Variants in DAPK1 observed in about 807,000 individuals in gnomAD.
DAPK1 encodes the protein death-associated protein kinase 1.
DAPK1 carries 56 observed loss-of-function variants against 144.9 expected under a neutral mutation model. The observed-to-expected ratio is 0.39, with a 90% confidence interval of 0.31 to 0.48. DAPK1 has a LOEUF of 0.48. Among genes scored for constraint, DAPK1 ranks in the 20% least tolerant of loss-of-function variants. The pLI is 0.95. For missense variants in DAPK1, 1,454 were observed against 1,875.4 expected, an observed-to-expected ratio of 0.78 and a Z score of 4.15; for synonymous variants, 690 against 749.0, an observed-to-expected ratio of 0.92 and a Z score of 1.29.
At chr9:87,689,879 C>T (rs796426034) in intron 21 of DAPK1, among the ~76,000 whole-genome samples, 14 of 152,274 alleles carry the variant, frequency 9.2e-5, no homozygotes, top group African/African-American at 3.4e-4. Flanking sequence ...GTTTTTATAT[C>T]AATACCATGC....
chr9:87,683,813 T>C (rs1824732415), intron 20 of DAPK1, among the ~76,000 whole-genome samples: 1 of 152,218 alleles, frequency 6.6e-6, no homozygotes, highest in Non-Finnish European at 1.5e-5. Flanking sequence ...GAAGCCCCTC[T>C]GCATGAGAGC....
At chr9:87,647,503 G>C (rs1830311406) in intron 14 of DAPK1, 100 bp downstream of exon 14, 1 of 979,090 alleles carries the variant, frequency 1.0e-6, no homozygotes, top group Non-Finnish European at 1.6e-6. Flanking sequence ...CAAAGGAAAG[G>C]AATCAGGACC....
intron 3 of DAPK1, among the ~76,000 whole-genome samples, chr9:87,629,205 T>C (rs756695592): frequency 2.6e-5 from 4 of 151,382 alleles, no homozygotes; most frequent in Non-Finnish European, 4.4e-5. Flanking sequence ...AAAGGGGGAG[T>C]GTGGATGCAG....
In DAPK1 at chr9:87,498,973, T is replaced by C. The variant is rs539188842; in HGVS notation, c.-105T>C. The stretch of plus-strand genomic sequence containing the variant: ...GCCTTTTTTTTTTCTTCAAAAGGAC[T>C]GGAGACTGATGCATGAGGGGGCTAC... On this transcript the variant is annotated 5_prime_UTR_variant, in exon 2 of 26. Coordinates refer to ENST00000408954, the MANE Select transcript of DAPK1 (RefSeq NM_004938.4). 2.3e-6 allele frequency: 2 copies of C among 854,730 alleles called. No individual in the cohort carries two copies. Among genetic ancestry groups the C allele is most frequent in the African/African-American group, 1.7e-5 (1 of 59,902 alleles). The allele number at this position is 854,730 out of a possible 1,614,324, so 52.9% of individuals were successfully genotyped here. A position where few individuals can be genotyped will look rare whatever the true frequency, so the allele number is the denominator to read the frequency against.
rs754333730 is a variant in DAPK1, at chr9:87,706,611, G to T, written c.3540G>T (p.Gly1180=). Reference sequence around the variant, plus strand: ...ATGGCTGCAAGCTGGCCAACCGTGGGGCCGAGCTGCTGGTGCTGCTGGTCA... The same window carrying T: ...ATGGCTGCAAGCTGGCCAACCGTGGTGCCGAGCTGCTGGTGCTGCTGGTCA... ...WVNGCKLANR[G]AELLVLLVNH... Residue 1180 remains glycine (G), a synonymous_variant, in exon 26 of 26, where the codon GGG becomes GGT. Coordinates refer to ENST00000408954, the MANE Select transcript of DAPK1 (RefSeq NM_004938.4). The surrounding 1 kb of genome is among the most constrained non-coding windows in gnomAD (Gnocchi z 9.0). 1.9e-6 allele frequency: 3 copies of T among 1,613,398 alleles called. No homozygotes were observed. The South Asian group carries it at 3.3e-5, about 18-fold the overall frequency.
chr9:87,691,146 G>A (rs138012391), intron 21 of DAPK1, among the ~76,000 whole-genome samples: 2,820 of 151,866 alleles, frequency 0.019, 27 homozygotes, highest in Non-Finnish European at 0.027. Flanking sequence ...TTTTTGGGGA[G>A]GCTTTTTAAT....
chr9:87,696,947 T>A, intron 21 of DAPK1, 60 bp from the exon 22 acceptor site: 3 of 870,746 alleles, frequency 3.4e-6, no homozygotes, highest in Non-Finnish European at 4.0e-6. Flanking sequence ...CTAAGAGAAT[T>A]TATGATTGAA....
At chr9:87,698,825 C>G in intron 23 of DAPK1, 31 bp downstream of exon 23, 1 of 1,438,402 alleles carries the variant, frequency 7.0e-7, no homozygotes, top group Non-Finnish European at 9.8e-7. Flanking sequence ...CTCCAGCTCA[C>G]GGGTAGCCTC....
intron 17 of DAPK1, among the ~76,000 whole-genome samples, chr9:87,653,291 C>T (rs1401936785): frequency 6.6e-6 from 1 of 152,252 alleles, no homozygotes; most frequent in Admixed American, 6.5e-5. Context: ...TGTGCTCCCA[C>T]CTGATCCTGG....
At chr9:87,704,132 T>G (rs1825552526) in intron 25 of DAPK1, among the ~76,000 whole-genome samples, 1 of 152,178 alleles carries the variant, frequency 6.6e-6, no homozygotes, top group South Asian at 2.1e-4. Flanking sequence ...TTCATCAGCC[T>G]TTAAACTCCC....
At chr9:87,652,370 G>C (rs112216719) in intron 17 of DAPK1, among the ~76,000 whole-genome samples, 1 of 70,264 alleles carries the variant, frequency 1.4e-5, no homozygotes. Context: ...CCTCCCACCT[G>C]ATCCCGGGTC....
chr9:87,499,165 C>T (rs1175806620), intron 2 of DAPK1, 26 bp downstream of exon 2: 1 of 1,602,764 alleles, frequency 6.2e-7, no homozygotes, highest in South Asian at 1.1e-5. Flanking sequence ...GAAGCGTACC[C>T]TCCTGGATTG....
At chr9:87,545,639 C>T (rs1467972530) in intron 2 of DAPK1, among the ~76,000 whole-genome samples, 5 of 152,064 alleles carry the variant, frequency 3.3e-5, no homozygotes, top group Non-Finnish European at 7.4e-5. Context: ...CTCTGCCTCC[C>T]GGGTTCCAGC....
intron 3 of DAPK1, among the ~76,000 whole-genome samples, chr9:87,613,860 G>A (rs1472854350): frequency 1.3e-5 from 2 of 152,160 alleles, no homozygotes; most frequent in Non-Finnish European, 2.9e-5. Context: ...TGCCACATTT[G>A]TTCTCTCTTT....
intron 18 of DAPK1, among the ~76,000 whole-genome samples, chr9:87,663,768 C>T (rs1299346246): frequency 1.3e-5 from 2 of 152,108 alleles, no homozygotes; most frequent in Admixed American, 1.3e-4. Flanking sequence ...GCCCTCGGCC[C>T]CCCCACACCA....
intron 2 of DAPK1, among the ~76,000 whole-genome samples, chr9:87,520,273 G>A (rs975891559): frequency 1.3e-5 from 2 of 152,176 alleles, no homozygotes; most frequent in Non-Finnish European, 2.9e-5. Context: ...TTCTGGTGCT[G>A]AGGGTTCAGG....
intron 3 of DAPK1, among the ~76,000 whole-genome samples, chr9:87,619,069 G>T (rs1829198863): frequency 1.3e-5 from 2 of 151,952 alleles, no homozygotes; most frequent in African/African-American, 2.4e-5. Flanking sequence ...CTGCCCTGAT[G>T]CTCCACCCAC....
intron 2 of DAPK1, among the ~76,000 whole-genome samples, chr9:87,583,862 T>C (rs1289752568): frequency 6.6e-6 from 1 of 152,188 alleles, no homozygotes; most frequent in Non-Finnish European, 1.5e-5. Context: ...CTTTCTTCAG[T>C]TCATGGGGTT....
Position 87,686,712 on chromosome 9 carries a change from A to G in DAPK1, c.2386A>G (p.Ile796Val), listed in dbSNP as rs745622515. 5.6e-6 allele frequency: 9 copies of G among 1,613,308 alleles called. No individual in the cohort carries two copies. Among genetic ancestry groups the G allele is most frequent in the Non-Finnish European group, 7.6e-6 (9 of 1,179,364 alleles). Residue 796 changes from isoleucine (I) to valine (V), a missense_variant, in exon 21 of 26, where the codon ATC (isoleucine) becomes GTC (valine). Around this residue, in one of 2 missense-constraint regions of DAPK1, gnomAD observed 1,025 missense variants for 1,237.9 expected, o/e 0.83. Coordinates refer to ENST00000408954, the MANE Select transcript of DAPK1 (RefSeq NM_004938.4). The surrounding 1 kb of genome is among the most constrained non-coding windows in gnomAD (Gnocchi z 4.2). ...CSADDQSTKA[I>V]DIQNAYLNGV... ...GGCCGATGACCAGTCCACCAAGGCCATCGACATCCAGAACGCTTATTTGAA... is the reference window on the plus strand; with the variant it reads ...GGCCGATGACCAGTCCACCAAGGCCGTCGACATCCAGAACGCTTATTTGAA...
Sources: gnomAD v4.1 joint callset for allele counts (sites outside exome capture counted in the v4.1 genomes callset) on GRCh38, gnomAD v4.1.1 for gene constraint, gnomAD v4.1.1 regional missense constraint, Gnocchi (gnomAD v3.1) non-coding constraint, MANE v1.5 for transcripts, NCBI Gene and HGNC (gene_info 2026-07-23, HGNC 2026-07-21) for gene names.